Variants in TET1 observed in about 807,000 individuals in gnomAD.
TET1 encodes methylcytosine dioxygenase TET1.
A neutral mutation model predicts 148.7 loss-of-function variants in TET1; 13 were observed. The observed-to-expected ratio is 0.09, with a 90% CI of 0.06 to 0.14. The LOEUF is 0.14. TET1 is among the 10% of genes least tolerant of loss of function. TET1 has a pLI of 1.00. For missense variants in TET1, 2,182 were observed against 2,553.8 expected, an observed-to-expected ratio of 0.85 and a Z score of 3.14; for synonymous variants, 907 against 937.2, an observed-to-expected ratio of 0.97 and a Z score of 0.59.
At chr10:68,687,857 T>A (rs1165896342) in intron 11 of TET1, among the ~76,000 whole-genome samples, 1 of 152,252 alleles carries the variant, frequency 6.6e-6, no homozygotes, top group East Asian at 1.9e-4. Flanking sequence ...ATTACAGGCA[T>A]GAGCCATCAC....
rs570116114 is a variant in TET1, at chr10:68,597,710, A to AT, written c.1915-3270dup. ...AAAAGTACAAATGTCTAACAACAGA[A>AT]TAAGGGAAAAACAAAATGTGTTATG... On this transcript the variant is annotated intron_variant, in intron 2 of 11. Coordinates refer to ENST00000373644, the MANE Select transcript of TET1 (RefSeq NM_030625.3). Among the ~76,000 whole-genome samples the AT allele has an allele frequency of 5.9e-5, 9 of 152,390 alleles. No homozygotes were observed. In the South Asian group the frequency reaches 1.9e-3, roughly 32 times the overall value.
intron 1 of TET1, among the ~76,000 whole-genome samples, chr10:68,568,511 G>T (rs1590154732): frequency 6.6e-6 from 1 of 152,298 alleles, no homozygotes; most frequent in East Asian, 1.9e-4. Flanking sequence ...AAAGTGCTAG[G>T]ATTACAGGTG....
intron 1 of TET1, among the ~76,000 whole-genome samples, chr10:68,565,656 A>C (rs540256402): frequency 6.6e-6 from 1 of 152,118 alleles, no homozygotes; most frequent in Non-Finnish European, 1.5e-5. Context: ...TATTTAATGG[A>C]GTGGACTACA....
In TET1 at chr10:68,577,067, C is replaced by T. The variant is rs375516550; in HGVS notation, c.1914+2815C>T. On this transcript the variant is annotated intron_variant, in intron 2 of 11. Coordinates refer to ENST00000373644, the MANE Select transcript of TET1 (RefSeq NM_030625.3). ...GTGACTACAGGTGCCCGCCACCGCGCCCGGCTAATTTTTTTTGTATTTTTA... is the reference window on the plus strand; with the variant it reads ...GTGACTACAGGTGCCCGCCACCGCGTCCGGCTAATTTTTTTTGTATTTTTA... Among the ~76,000 whole-genome samples, 19 of 152,194 alleles carry T rather than the reference C, an allele frequency of 1.2e-4. No homozygotes were observed. The East Asian group carries it at 3.1e-3, about 25-fold the overall frequency.
At chr10:68,580,084 A>G (rs2053775457) in intron 2 of TET1, among the ~76,000 whole-genome samples, 1 of 151,492 alleles carries the variant, frequency 6.6e-6, no homozygotes, top group Non-Finnish European at 1.5e-5. Flanking sequence ...GCACACCACC[A>G]CGCCCAGCTA....
intron 3 of TET1, among the ~76,000 whole-genome samples, chr10:68,644,348 G>A (rs1206452326): frequency 6.6e-6 from 1 of 152,090 alleles, no homozygotes; most frequent in Non-Finnish European, 1.5e-5. Context: ...GGCCGCAGGT[G>A]TGCATCACCA....
At chr10:68,620,978 C>A (rs2795871) in intron 3 of TET1, among the ~76,000 whole-genome samples, 16,943 of 152,168 alleles carry the variant, frequency 0.11, 1,581 homozygotes, top group African/African-American at 0.25. Flanking sequence ...ATTTAAATTG[C>A]GCCATTTGAC....
intron 3 of TET1, among the ~76,000 whole-genome samples, chr10:68,629,622 C>T (rs1424204358): frequency 1.3e-5 from 2 of 151,656 alleles, no homozygotes; most frequent in Non-Finnish European, 2.9e-5. Flanking sequence ...CAACTTCTGC[C>T]TCCCGGGTTC....
chr10:68,583,331 A>G (rs2053823110), intron 2 of TET1, among the ~76,000 whole-genome samples: 1 of 152,132 alleles, frequency 6.6e-6, no homozygotes. Flanking sequence ...TGTTACCAGG[A>G]GGGGTAGGAG....
intron 3 of TET1, among the ~76,000 whole-genome samples, chr10:68,622,298 T>G (rs1462063841): frequency 6.7e-6 from 1 of 148,872 alleles, no homozygotes; most frequent in Non-Finnish European, 1.5e-5. Context: ...CCTTGCTCTG[T>G]CGCCCAGTCT....
chr10:68,587,005 C>T (rs2053869259), intron 2 of TET1, among the ~76,000 whole-genome samples: 1 of 152,064 alleles, frequency 6.6e-6, no homozygotes, highest in African/African-American at 2.4e-5. Flanking sequence ...CCATATGTAC[C>T]ATTTCTCAGT....
chr10:68,636,241 T>G (rs926097951), intron 3 of TET1, among the ~76,000 whole-genome samples: 4 of 152,180 alleles, frequency 2.6e-5, no homozygotes, highest in African/African-American at 9.7e-5. Context: ...AGGTCAGTCA[T>G]GATTTGCTAC....
chr10:68,651,354 T>C lies in TET1; in HGVS notation c.4277-492T>C, dbSNP rs532082212. On this transcript the variant is annotated intron_variant, in intron 4 of 11. Transcript: ENST00000373644. The stretch of plus-strand genomic sequence containing the variant: ...CTATAGTCCCAGCTACTTGGGAGGC[T>C]GAGGCAGAATGGTGTGAACCCGGGA... Among the ~76,000 whole-genome samples the C allele has an allele frequency of 2.2e-4, 34 of 152,018 alleles. No homozygotes were observed. In the South Asian group the frequency reaches 7.1e-3, roughly 32 times the overall value.
chr10:68,567,773 C>A (rs2053623801), intron 1 of TET1, among the ~76,000 whole-genome samples: 1 of 149,370 alleles, frequency 6.7e-6, no homozygotes, highest in Non-Finnish European at 1.5e-5. Flanking sequence ...AAAAAAAAAT[C>A]ATAGAATCAA....
chr10:68,656,653 C>T (rs1296186821), intron 6 of TET1, among the ~76,000 whole-genome samples: 1 of 152,220 alleles, frequency 6.6e-6, no homozygotes, highest in African/African-American at 2.4e-5. Context: ...TTGCAGAGAG[C>T]AATGCCGAGC....
chr10:68,625,202 C>A (rs1156441820), intron 3 of TET1, among the ~76,000 whole-genome samples: 2 of 152,106 alleles, frequency 1.3e-5, no homozygotes, highest in Non-Finnish European at 2.9e-5. Context: ...TTCTACTAGC[C>A]AAGTTTGCCC....
At chr10:68,674,618 G>A in intron 8 of TET1, 1 of 490,672 alleles carries the variant, frequency 2.0e-6, no homozygotes, top group Middle Eastern at 5.4e-4. Flanking sequence ...GAGCTTCCAT[G>A]GCGTGGATCT....
At chr10:68,667,320 T>C in intron 7 of TET1, 64 bp downstream of exon 7, 1 of 1,338,402 alleles carries the variant, frequency 7.5e-7, no homozygotes, top group Non-Finnish European at 1.0e-6. Context: ...GTAAAATTGT[T>C]AATTAGCTAC....
chr10:68,627,233 C>A (rs575957557), intron 3 of TET1, among the ~76,000 whole-genome samples: 14 of 152,148 alleles, frequency 9.2e-5, no homozygotes, highest in Non-Finnish European at 1.9e-4. Context: ...CACGGTAAAA[C>A]CCCGTCTCTA....
Sources: allele counts gnomAD v4.1 joint callset (sites outside exome capture counted in the v4.1 genomes callset), GRCh38; gene constraint gnomAD v4.1.1; transcripts MANE v1.5; gene names NCBI Gene and HGNC (gene_info 2026-07-23, HGNC 2026-07-21).